PRKN: variants seen among roughly 807,000 people sequenced by gnomAD.
The protein encoded by PRKN is parkin RBR E3 ubiquitin protein ligase.
In PRKN, 56 loss-of-function variants were observed where a neutral mutation model predicts 59.5. The ratio of observed to expected loss-of-function variants is 0.94; its 90% CI spans 0.76 to 1.18. The LOEUF is 1.18. PRKN is among the 50% of genes most tolerant of loss of function. PRKN has a pLI of 0.00. For synonymous variants in PRKN, 250 were observed against 222.1 expected (o/e 1.13, Z -1.12); for missense variants, 657 against 596.4 (o/e 1.10, Z -1.06).
chr6:161,369,250 C>A lies in PRKN; in HGVS notation c.1168-9045G>T, dbSNP rs775569370. On this transcript the variant is annotated intron_variant, in intron 10 of 11. Coordinates refer to ENST00000366898, the MANE Select transcript of PRKN (RefSeq NM_004562.3). The surrounding 1 kb of genome is among the most constrained non-coding windows in gnomAD (Gnocchi z 5.8). ...GCCCACAGGTTCAAGATCACCAAAG[C>A]GATTCTAAAAATGATCCCAAGGCTT... Among the ~76,000 whole-genome samples the A allele has an allele frequency of 6.6e-6, 1 of 152,162 alleles. No individual in the cohort carries two copies. The highest frequency in any genetic ancestry group is 1.5e-5 in the Non-Finnish European group (1 of 68,020).
chr6:162,417,089 A>T (rs1427516740), intron 2 of PRKN, among the ~76,000 whole-genome samples: 1 of 152,202 alleles, frequency 6.6e-6, no homozygotes, highest in Admixed American at 6.5e-5. Context: ...GAAGACAATC[A>T]AACAACACAG....
At chr6:162,026,255 G>A (rs1354306105) in intron 5 of PRKN, among the ~76,000 whole-genome samples, 1 of 152,208 alleles carries the variant, frequency 6.6e-6, no homozygotes, top group Non-Finnish European at 1.5e-5. Flanking sequence ...ATGACAAATG[G>A]AAGGCAAGTT....
intron 1 of PRKN, among the ~76,000 whole-genome samples, chr6:162,547,504 T>C (rs990095313): frequency 6.6e-6 from 1 of 152,206 alleles, no homozygotes; most frequent in Non-Finnish European, 1.5e-5. Context: ...GCAGCAATTC[T>C]TTCTCCCACT....
intron 2 of PRKN, among the ~76,000 whole-genome samples, chr6:162,345,522 C>A (rs1451491391): frequency 6.6e-6 from 1 of 152,152 alleles, no homozygotes; most frequent in African/African-American, 2.4e-5. Context: ...TGAGGCTTTA[C>A]TTAACCTCTA....
At chr6:162,453,539 T>C (rs1790724325) in intron 1 of PRKN, among the ~76,000 whole-genome samples, 1 of 152,130 alleles carries the variant, frequency 6.6e-6, no homozygotes, top group Admixed American at 6.5e-5. Flanking sequence ...CTCTGTCCCA[T>C]CCTAACCAAC....
chr6:162,182,966 C>T (rs771079080), intron 4 of PRKN, among the ~76,000 whole-genome samples: 2 of 151,718 alleles, frequency 1.3e-5, no homozygotes, highest in African/African-American at 4.9e-5. Flanking sequence ...TTTCTGACAC[C>T]TTTTTTTCTT....
intron 6 of PRKN, among the ~76,000 whole-genome samples, chr6:161,851,545 G>C (rs552542798): frequency 6.6e-6 from 1 of 151,774 alleles, no homozygotes; most frequent in Admixed American, 6.5e-5. Flanking sequence ...GCAGTGGCGT[G>C]ATCTCAGCTC....
rs1460357767 is a variant in PRKN, at chr6:161,738,023, C to T, written c.871+47749G>A. On this transcript the variant is annotated intron_variant, in intron 7 of 11. Transcript: ENST00000366898. ...AGCCCTCCTATTTGAACCTGGCCTGCCTTGATTGATAAGACTTCAATATCA... is the reference window on the plus strand; with the variant it reads ...AGCCCTCCTATTTGAACCTGGCCTGTCTTGATTGATAAGACTTCAATATCA... Among the ~76,000 whole-genome samples, 47 of 152,146 alleles carry T rather than the reference C, an allele frequency of 3.1e-4. 1 individual carries two copies. The highest frequency in any genetic ancestry group is 3.0e-3 in the Admixed American group (46 of 15,280).
In PRKN at chr6:161,560,429, C is replaced by G. The variant is rs1780415609; in HGVS notation, c.933+8926G>C. On this transcript the variant is annotated intron_variant, in intron 8 of 11. Transcript: ENST00000366898. The surrounding 1 kb of genome is among the most constrained non-coding windows in gnomAD (Gnocchi z 4.9). ...ACCCACCACTCCTTTGAGACCCATG[C>G]TTCACCCTCACCTCCTCACTGCTGC... 6.6e-6 allele frequency among the ~76,000 whole-genome samples: 1 copy of G among 152,120 alleles called. No individual in the cohort carries two copies. Among genetic ancestry groups the G allele is most frequent in the South Asian group, 2.1e-4 (1 of 4,822 alleles).
chr6:161,992,005 T>C (rs998799406), intron 5 of PRKN, among the ~76,000 whole-genome samples: 3 of 152,102 alleles, frequency 2.0e-5, no homozygotes, highest in African/African-American at 7.2e-5. Context: ...GTAGCTATAC[T>C]TACATCAGAT....
At chr6:162,269,749 G>A (rs1240849711) in intron 2 of PRKN, 6 of 152,054 alleles carry the variant, frequency 3.9e-5, no homozygotes, top group African/African-American at 1.4e-4. Context: ...TCAGTGTATG[G>A]CCAACAAACA....
intron 6 of PRKN, among the ~76,000 whole-genome samples, chr6:161,884,182 T>G (rs1278090655): frequency 6.6e-6 from 1 of 152,190 alleles, no homozygotes; most frequent in East Asian, 1.9e-4. Flanking sequence ...CTAATGTATT[T>G]TAGAGTTTCA....
chr6:161,574,063 A>C (rs190860907), intron 7 of PRKN, among the ~76,000 whole-genome samples: 1 of 152,066 alleles, frequency 6.6e-6, no homozygotes, highest in East Asian at 1.9e-4. Flanking sequence ...GTTCAAAAAA[A>C]CAACAAACAA....
chr6:161,476,181 T>C (rs1339267358), intron 9 of PRKN, among the ~76,000 whole-genome samples: 10 of 144,632 alleles, frequency 6.9e-5, no homozygotes, highest in Non-Finnish European at 1.4e-4. Context: ...AGTGAGACTC[T>C]GTCTCAGGAA....
rs373576561 is a variant in PRKN, at chr6:162,108,983, C to T, written c.535-54809G>A. Among the ~76,000 whole-genome samples the T allele has an allele frequency of 1.7e-4, 26 of 152,276 alleles. 1 individual carries two copies. Among genetic ancestry groups the T allele is most frequent in the Admixed American group, 3.9e-4 (6 of 15,300 alleles). On this transcript the variant is annotated intron_variant, in intron 4 of 11. Coordinates refer to ENST00000366898, the MANE Select transcript of PRKN (RefSeq NM_004562.3). ...GTGTACAGCAGCAGCAGCGCTGCCCCGTAGGCAGTGTGCCAGGGCAGCAGC... is the reference window on the plus strand; with the variant it reads ...GTGTACAGCAGCAGCAGCGCTGCCCTGTAGGCAGTGTGCCAGGGCAGCAGC...
rs548213247 is a variant in PRKN at position 162,621,648 on chromosome 6, T to C, written c.7+106014A>G. Among the ~76,000 whole-genome samples the C allele has an allele frequency of 5.9e-5, 9 of 152,360 alleles. No individual in the cohort carries two copies. The South Asian group carries it at 1.9e-3, about 32-fold the overall frequency. On this transcript the variant is annotated intron_variant, in intron 1 of 11. Transcript: ENST00000366898. ...ATTGACATAGACTATTTCTTGAGCT[T>C]ATAAAATGTTGTCATGAAACTTTAT...
chr6:161,697,858 C>T (rs1018516546), intron 7 of PRKN, among the ~76,000 whole-genome samples: 1 of 152,134 alleles, frequency 6.6e-6, no homozygotes, highest in African/African-American at 2.4e-5. Flanking sequence ...GGTCCATGTT[C>T]ATGTAGGCCA....
intron 4 of PRKN, among the ~76,000 whole-genome samples, chr6:162,133,968 T>C (rs1221450255): frequency 3.3e-5 from 5 of 152,094 alleles, no homozygotes; most frequent in Admixed American, 6.6e-5. Flanking sequence ...GGGTAGTAGA[T>C]GGTAAGTGTG....
At chr6:161,732,485 T>TTGTG (rs1554298361) in intron 7 of PRKN, among the ~76,000 whole-genome samples, 10 of 146,508 alleles carry the variant, frequency 6.8e-5, no homozygotes, top group African/African-American at 2.3e-4. Flanking sequence ...TTTTTTTTTT[T>TTGTG]TGTGTGTGTG....
Sources: allele counts gnomAD v4.1 joint callset (sites outside exome capture counted in the v4.1 genomes callset), GRCh38; gene constraint gnomAD v4.1.1; non-coding constraint Gnocchi (gnomAD v3.1); transcripts MANE v1.5; gene names NCBI Gene and HGNC (gene_info 2026-07-23, HGNC 2026-07-21).